CDH23: variants seen among roughly 807,000 people sequenced by gnomAD.
The protein encoded by CDH23 is cadherin related 23.
CDH23 carries 189 observed loss-of-function variants against 317.1 expected under a neutral mutation model. The ratio of observed to expected loss-of-function variants is 0.60; its 90% CI spans 0.53 to 0.67. The LOEUF (loss-of-function observed/expected upper bound fraction) is 0.67. CDH23 is among the 30% of genes least tolerant of loss of function. The pLI is 0.00. For synonymous variants in CDH23, 1,839 were observed against 1,876.8 expected, an observed-to-expected ratio of 0.98 and a Z score of 0.52; for missense variants, 4,401 against 4,592.4, an observed-to-expected ratio of 0.96 and a Z score of 1.20.
intron 55 of CDH23, among the ~76,000 whole-genome samples, chr10:71,805,019 TTAA>T (rs1358370730): frequency 2.0e-5 from 3 of 152,218 alleles, no homozygotes; most frequent in African/African-American, 7.2e-5. Context: ...CTACTTGTTA[TTAA>T]TTAGACGTAA....
intron 26 of CDH23, 61 bp downstream of exon 26, chr10:71,707,110 C>CA: frequency 1.3e-6 from 2 of 1,563,188 alleles, no homozygotes; most frequent in Non-Finnish European, 8.7e-7. Context: ...CCACCCCTCC[C>CA]AGATGGACAG....
intron 3 of CDH23, among the ~76,000 whole-genome samples, chr10:71,467,496 C>T (rs896247400): frequency 6.6e-6 from 1 of 152,182 alleles, no homozygotes; most frequent in Non-Finnish European, 1.5e-5. Context: ...TCTGACAAAT[C>T]CTTTAACGCA....
chr10:71,593,862 C>T (rs1215299058), intron 9 of CDH23, among the ~76,000 whole-genome samples: 1 of 152,190 alleles, frequency 6.6e-6, no homozygotes, highest in Non-Finnish European at 1.5e-5. Flanking sequence ...TGGCTCACAC[C>T]TGTAATCCCA....
At chr10:71,567,795 C>A (rs1422335151) in intron 7 of CDH23, among the ~76,000 whole-genome samples, 1 of 152,236 alleles carries the variant, frequency 6.6e-6, no homozygotes, top group Non-Finnish European at 1.5e-5. Flanking sequence ...ATAGCTGGAG[C>A]CATCAGCTGG....
chr10:71,523,536 C>T lies in CDH23; in HGVS notation c.429+12324C>T, dbSNP rs139387886. On this transcript the variant is annotated intron_variant, in intron 6 of 69. Transcript: ENST00000224721. The stretch of plus-strand genomic sequence containing the variant: ...GGAAGTAATGCCTAAAGTGTGCTGG[C>T]GATTACAGACATTTCCACGGAGCCA... 3.7e-4 allele frequency among the ~76,000 whole-genome samples: 57 copies of T among 152,212 alleles called. No individual in the cohort carries two copies. The East Asian group carries it at 6.4e-3, about 17-fold the overall frequency.
chr10:71,810,028 C>T lies in CDH23; in HGVS notation c.8931C>T (p.His2977=), dbSNP rs781099726. Residue 2977 remains histidine, a synonymous_variant, in exon 61 of 70, where the codon CAC becomes CAT. Transcript: ENST00000224721. Reference sequence around the variant, plus strand: ...GCGGCTTCGAGGAGGAGTTCATCCACCTGCTCTCCAACATCACTGGGGCCA... The same window carrying T: ...GCGGCTTCGAGGAGGAGTTCATCCATCTGCTCTCCAACATCACTGGGGCCA... ...RVRGFEEEFI[H]LLSNITGAIV... The T allele has an allele frequency of 2.2e-5, 35 of 1,612,582 alleles. No individual in the cohort carries two copies. The highest frequency in any genetic ancestry group is 8.5e-7 in the Non-Finnish European group (1 of 1,179,888).
At chr10:71,572,997 C>T (rs1400245003) in intron 8 of CDH23, among the ~76,000 whole-genome samples, 1 of 152,234 alleles carries the variant, frequency 6.6e-6, no homozygotes, top group African/African-American at 2.4e-5. Flanking sequence ...AGGAGTCCCG[C>T]ACTGCCGTAC....
chr10:71,617,406 A>G lies in CDH23; in HGVS notation c.1134+13A>G, dbSNP rs7903502. 6,044 of 1,611,990 alleles carry G rather than the reference A, an allele frequency of 3.7e-3. 189 individuals are homozygous for G. In the African/African-American group the frequency reaches 0.071, roughly 19 times the overall value. On this transcript the variant is annotated intron_variant, in intron 11 of 69. Coordinates refer to ENST00000224721, the MANE Select transcript of CDH23 (RefSeq NM_022124.6). ...GGACAAGGATGAGGTGAGTCCCTGG[A>G]CACATGGCCCATGCAGACCCACCAC... is the stretch of plus-strand genomic sequence containing the variant.
chr10:71,760,247 GTA>G (rs374621711), intron 38 of CDH23, among the ~76,000 whole-genome samples: 234 of 12,422 alleles, frequency 0.019, 75 homozygotes, highest in African/African-American at 0.035. Context: ...ACATATATAT[GTA>G]TGTATATATA....
intron 38 of CDH23, among the ~76,000 whole-genome samples, chr10:71,758,754 A>G (rs1435902285): frequency 6.6e-6 from 1 of 152,192 alleles, no homozygotes; most frequent in East Asian, 1.9e-4. Context: ...GAGGCTAGGC[A>G]TGGTGGCTCA....
chr10:71,636,457 G>A (rs1862282043), intron 11 of CDH23, among the ~76,000 whole-genome samples: 1 of 152,170 alleles, frequency 6.6e-6, no homozygotes, highest in South Asian at 2.1e-4. Flanking sequence ...GCAGTGAGCA[G>A]TGTTTGCATC....
intron 31 of CDH23, 47 bp downstream of exon 31, chr10:71,730,651 C>T (rs368779752): frequency 2.6e-4 from 412 of 1,608,828 alleles, no homozygotes; most frequent in Non-Finnish European, 3.3e-4. Context: ...TCAGAGCAAA[C>T]CTCCCCAGCT....
At chr10:71,519,365 A>G (rs1045439805) in intron 6 of CDH23, among the ~76,000 whole-genome samples, 10 of 152,350 alleles carry the variant, frequency 6.6e-5, no homozygotes, top group African/African-American at 2.2e-4. Context: ...TTTCTTTTAA[A>G]TGGTTTCCTT....
chr10:71,604,103 C>T (rs1018550905), intron 9 of CDH23, among the ~76,000 whole-genome samples: 2 of 152,008 alleles, frequency 1.3e-5, no homozygotes, highest in Non-Finnish European at 2.9e-5. Context: ...TGTTTTCTCA[C>T]CTGTAAAATG....
chr10:71,546,310 T>C (rs1856278322), intron 6 of CDH23, among the ~76,000 whole-genome samples: 1 of 152,204 alleles, frequency 6.6e-6, no homozygotes, highest in South Asian at 2.1e-4. Flanking sequence ...ACAGAGGCAT[T>C]TGCTCGTGCG....
chr10:71,683,002 T>C (rs932838268), intron 18 of CDH23, among the ~76,000 whole-genome samples: 1 of 152,218 alleles, frequency 6.6e-6, no homozygotes, highest in Non-Finnish European at 1.5e-5. Context: ...CTCTTCCTTT[T>C]TTTCTTCCCT....
At chr10:71,787,905 G>C (rs760545941) in intron 44 of CDH23, among the ~76,000 whole-genome samples, 10 of 152,238 alleles carry the variant, frequency 6.6e-5, no homozygotes, top group Admixed American at 2.6e-4. Flanking sequence ...CAGGTACCCA[G>C]TAGAGGGGTA....
chr10:71,595,869 A>C (rs1299633885), intron 9 of CDH23, among the ~76,000 whole-genome samples: 2 of 152,130 alleles, frequency 1.3e-5, no homozygotes, highest in Non-Finnish European at 2.9e-5. Flanking sequence ...GTCACACCCC[A>C]GCCACTTTCA....
intron 6 of CDH23, among the ~76,000 whole-genome samples, chr10:71,536,464 A>G (rs917948204): frequency 1.3e-5 from 2 of 152,188 alleles, no homozygotes; most frequent in African/African-American, 4.8e-5. Flanking sequence ...CTTTTGATGT[A>G]ATGAAAATAG....
Sources: allele counts gnomAD v4.1 joint callset (sites outside exome capture counted in the v4.1 genomes callset), GRCh38; gene constraint gnomAD v4.1.1; transcripts MANE v1.5; gene names NCBI Gene and HGNC (gene_info 2026-07-23, HGNC 2026-07-21).